Variants in THSD7B observed in about 807,000 individuals in gnomAD.
The protein encoded by THSD7B is thrombospondin type-1 domain-containing protein 7B.
A neutral mutation model predicts 213.6 loss-of-function variants in THSD7B; 138 were observed. The ratio of observed to expected loss-of-function variants is 0.65; its 90% CI spans 0.56 to 0.74. THSD7B has a LOEUF of 0.74. Ranked by LOEUF, THSD7B falls within the 30% of genes least tolerant of loss-of-function variation. The pLI is 0.00. For synonymous variants in THSD7B, 742 were observed against 687.0 expected (o/e 1.08, Z -1.25); for missense variants, 1,931 against 1,991.5 (o/e 0.97, Z 0.58).
intron 26 of THSD7B, 64 bp from the exon 27 acceptor site, chr2:137,667,710 C>A: frequency 7.4e-7 from 1 of 1,351,926 alleles, no homozygotes; most frequent in Non-Finnish European, 1.0e-6. Context: ...TGATGTTGCC[C>A]TATCTCTCAA....
chr2:137,112,664 C>G (rs966108895), intron 4 of THSD7B, among the ~76,000 whole-genome samples: 1 of 151,952 alleles, frequency 6.6e-6, no homozygotes, highest in Non-Finnish European at 1.5e-5. Flanking sequence ...CTTTTTTGCT[C>G]TTTGTTGAAC....
chr2:137,061,635 A>G (rs1042058007), intron 3 of THSD7B, among the ~76,000 whole-genome samples: 1 of 151,582 alleles, frequency 6.6e-6, no homozygotes, highest in African/African-American at 2.4e-5. Context: ...ATTTTTGTTC[A>G]TTAGCCTGTT....
At chr2:137,504,051 A>G (rs1323807335) in intron 15 of THSD7B, among the ~76,000 whole-genome samples, 2 of 151,230 alleles carry the variant, frequency 1.3e-5, no homozygotes, top group Non-Finnish European at 2.9e-5. Flanking sequence ...AAAAAAAAAG[A>G]AAGAGAAAAA....
At chr2:136,916,740 C>T (rs186677461) in intron 2 of THSD7B, among the ~76,000 whole-genome samples, 52 of 152,290 alleles carry the variant, frequency 3.4e-4, no homozygotes, top group Admixed American at 6.5e-4. Flanking sequence ...GATAGTTCAT[C>T]AGTGTGAAGA....
At chr2:137,142,665 T>A (rs16838200) in intron 5 of THSD7B, among the ~76,000 whole-genome samples, 1 of 152,168 alleles carries the variant, frequency 6.6e-6, no homozygotes, top group African/African-American at 2.4e-5. Flanking sequence ...TTATGTCTTT[T>A]TTATGTTATC....
intron 7 of THSD7B, among the ~76,000 whole-genome samples, chr2:137,224,970 A>G (rs1055665794): frequency 5.9e-5 from 9 of 151,956 alleles, no homozygotes; most frequent in Non-Finnish European, 1.2e-4. Context: ...TCTTATCTAA[A>G]GTATTTTCTT....
intron 2 of THSD7B, among the ~76,000 whole-genome samples, chr2:136,931,458 G>A (rs75594096): frequency 0.011 from 1,644 of 152,206 alleles, 22 homozygotes; most frequent in African/African-American, 0.037. Flanking sequence ...TCTTGTCAAG[G>A]TGATGGTGGA....
rs190102125 is a variant in THSD7B, at chr2:137,395,933, T to C, written c.2501-9680T>C. Reference sequence around the variant, plus strand: ...AAGAATTTATCCATTTCTTCTAGATTTTCTAGTTTATTTGCATAGAGGTGT... The same window carrying C: ...AAGAATTTATCCATTTCTTCTAGATCTTCTAGTTTATTTGCATAGAGGTGT... On this transcript the variant is annotated intron_variant, in intron 12 of 27. Transcript: ENST00000409968. 3.9e-3 allele frequency among the ~76,000 whole-genome samples: 588 copies of C among 152,052 alleles called. 9 individuals carry two copies. The highest frequency in any genetic ancestry group is 0.014 in the African/African-American group (575 of 41,478).
intron 2 of THSD7B, among the ~76,000 whole-genome samples, chr2:136,922,101 C>CCT (rs1262266355): frequency 6.6e-6 from 1 of 152,212 alleles, no homozygotes. Context: ...CTCTCTGCTA[C>CCT]CTGCCCTTCT....
At chr2:137,186,787 T>C (rs536741413) in intron 7 of THSD7B, among the ~76,000 whole-genome samples, 2 of 152,316 alleles carry the variant, frequency 1.3e-5, no homozygotes, top group South Asian at 4.1e-4. Context: ...GTTGAATCTA[T>C]ACATTGTTTT....
At chr2:137,454,615 A>C (rs1478981012) in intron 15 of THSD7B, among the ~76,000 whole-genome samples, 1 of 152,020 alleles carries the variant, frequency 6.6e-6, no homozygotes, top group Non-Finnish European at 1.5e-5. Context: ...ATATTTTCTT[A>C]ATTCATTTGA....
chr2:136,899,155 C>T (rs999800795), intron 2 of THSD7B, among the ~76,000 whole-genome samples: 1 of 152,074 alleles, frequency 6.6e-6, no homozygotes, highest in Admixed American at 6.6e-5. Context: ...CTTATATTGT[C>T]GAGAGGACCT....
intron 12 of THSD7B, among the ~76,000 whole-genome samples, chr2:137,377,792 A>G (rs1292797170): frequency 6.6e-6 from 1 of 151,882 alleles, no homozygotes; most frequent in Non-Finnish European, 1.5e-5. Flanking sequence ...ATGCCTGGCT[A>G]ATTTTTGTGT....
chr2:136,872,114 C>A (rs1683438902), intron 1 of THSD7B, among the ~76,000 whole-genome samples: 1 of 152,146 alleles, frequency 6.6e-6, no homozygotes, highest in Non-Finnish European at 1.5e-5. Flanking sequence ...GTGGGACTTA[C>A]AGCTCATGTA....
At chr2:137,156,797 T>C (rs1278242501) in intron 5 of THSD7B, among the ~76,000 whole-genome samples, 1 of 152,174 alleles carries the variant, frequency 6.6e-6, no homozygotes, top group Non-Finnish European at 1.5e-5. Flanking sequence ...AGTGCTTGCC[T>C]ACTGTGTGCC....
intron 3 of THSD7B, among the ~76,000 whole-genome samples, chr2:137,072,831 C>T (rs1255198663): frequency 1.3e-5 from 2 of 152,108 alleles, no homozygotes; most frequent in African/African-American, 4.8e-5. Context: ...TGAATTTTGT[C>T]AAAGGCCTTT....
intron 20 of THSD7B, among the ~76,000 whole-genome samples, chr2:137,639,571 C>CA (rs1160072681): frequency 2.0e-5 from 3 of 152,140 alleles, no homozygotes; most frequent in African/African-American, 7.2e-5. Flanking sequence ...GACCCACTGA[C>CA]AGCTTGCACC....
At chr2:136,789,269 G>T (rs537751229) in intron 1 of THSD7B, among the ~76,000 whole-genome samples, 1 of 151,762 alleles carries the variant, frequency 6.6e-6, no homozygotes, top group Non-Finnish European at 1.5e-5. Context: ...ACATGAAAAA[G>T]GTGAATGTGA....
At chr2:137,539,147 A>G (rs1182529609) in intron 15 of THSD7B, among the ~76,000 whole-genome samples, 1 of 151,770 alleles carries the variant, frequency 6.6e-6, no homozygotes, top group Non-Finnish European at 1.5e-5. Context: ...ATTATTGGTC[A>G]TATAATAAAT....
Sources: gnomAD v4.1 joint callset for allele counts (sites outside exome capture counted in the v4.1 genomes callset) on GRCh38, gnomAD v4.1.1 for gene constraint, MANE v1.5 for transcripts, NCBI Gene and HGNC (gene_info 2026-07-23, HGNC 2026-07-21) for gene names.